GALNT9: variants seen among roughly 807,000 people sequenced by gnomAD.
The protein encoded by GALNT9 is GalNAc transferase 9.
In GALNT9, 47 loss-of-function variants were observed where a neutral mutation model predicts 63.1. The observed-to-expected ratio is 0.75, with a 90% CI of 0.59 to 0.95. The LOEUF (loss-of-function observed/expected upper bound fraction) is 0.95, where lower values mean the gene tolerates loss of function less well. Ranked by LOEUF, GALNT9 falls within the 40% of genes least tolerant of loss-of-function variation. GALNT9 has a pLI of 0.00. For synonymous variants in GALNT9, 396 were observed against 365.7 expected, an observed-to-expected ratio of 1.08 and a Z score of -0.94; for missense variants, 829 against 874.8, an observed-to-expected ratio of 0.95 and a Z score of 0.66.
In GALNT9 at chr12:132,286,131, G is replaced by C. The variant is rs1213537282; in HGVS notation, c.419+119C>G. On this transcript the variant is annotated intron_variant, in intron 2 of 10. Coordinates refer to ENST00000328957, the MANE Select transcript of GALNT9 (RefSeq NM_001122636.2). This position sits in a 1 kb window ranked among gnomAD's most constrained non-coding sequence, Gnocchi z 7.4. ...CGTGGGGGGCGGTCACTTCCCTGGC[G>C]GGCGTGGGGGCCGCTCACTTCCCCG... 5 of 1,178,994 alleles carry C rather than the reference G, an allele frequency of 4.2e-6. No individual in the cohort carries two copies. In the South Asian group the frequency reaches 5.3e-5, roughly 12 times the overall value. 73.0% of individuals were successfully genotyped at this position (1,178,994 alleles called of 1,614,324 possible). A position where few individuals can be genotyped will look rare whatever the true frequency, so the allele number is the denominator to read the frequency against.
chr12:132,254,617 C>G (rs1195364527), intron 5 of GALNT9, among the ~76,000 whole-genome samples: 18 of 152,220 alleles, frequency 1.2e-4, no homozygotes, highest in African/African-American at 4.3e-4. Flanking sequence ...GACTTTGATC[C>G]TCCAGGGTGA....
rs1555243226 is a variant in GALNT9, at chr12:132,296,162, G to C, written c.239-9732C>G. On this transcript the variant is annotated intron_variant, in intron 1 of 10. Transcript: ENST00000328957. This position sits in a 1 kb window ranked among gnomAD's most constrained non-coding sequence, Gnocchi z 4.2. ...TCTGAACAGGGACGGCCTCCGAACA[G>C]GGAGAGCCTCCGGAATAGGGACGGC... Among the ~76,000 whole-genome samples, 1 of 152,078 alleles carries C rather than the reference G, an allele frequency of 6.6e-6. No homozygotes were observed.
intron 2 of GALNT9, among the ~76,000 whole-genome samples, chr12:132,263,322 G>A (rs781810142): frequency 8.5e-5 from 13 of 152,244 alleles, no homozygotes; most frequent in Admixed American, 5.9e-4. Flanking sequence ...ACAAGAAAAC[G>A]TCACTCCACT....
chr12:132,288,574 G>A (rs1052620879), intron 1 of GALNT9, among the ~76,000 whole-genome samples: 6 of 152,262 alleles, frequency 3.9e-5, no homozygotes, highest in African/African-American at 9.6e-5. Context: ...GGGATTGGCC[G>A]CCTGGCCAGA....
intron 1 of GALNT9, among the ~76,000 whole-genome samples, chr12:132,311,475 G>A (rs986276900): frequency 6.6e-6 from 1 of 152,206 alleles, no homozygotes. Context: ...CTCTCCAGAG[G>A]GGAGTGCCTC....
chr12:132,198,970 C>T (rs4074044), intron 9 of GALNT9, among the ~76,000 whole-genome samples: 12,928 of 152,130 alleles, frequency 0.085, 599 homozygotes, highest in African/African-American at 0.13. Context: ...TTCAATTCCC[C>T]GTGTTCTGCT....
intron 6 of GALNT9, 163 bp downstream of exon 6, chr12:132,247,747 A>G (rs1878764084): frequency 8.4e-7 from 1 of 1,194,180 alleles, no homozygotes; most frequent in African/African-American, 1.6e-5. Flanking sequence ...CCGTCCCCAG[A>G]TGCCGTGGCC....
At chr12:132,323,958 T>A (rs1868918022) in intron 1 of GALNT9, among the ~76,000 whole-genome samples, 1 of 151,842 alleles carries the variant, frequency 6.6e-6, no homozygotes, top group African/African-American at 2.4e-5. Context: ...GCTGTTTGGA[T>A]CAGCAACGTG....
chr12:132,261,864 A>G (rs1879400844), intron 3 of GALNT9, among the ~76,000 whole-genome samples: 1 of 152,160 alleles, frequency 6.6e-6, no homozygotes, highest in Admixed American at 6.5e-5. Context: ...CCTGTGTGCT[A>G]CAGGGTGTGA....
intron 4 of GALNT9, among the ~76,000 whole-genome samples, 191 bp downstream of exon 4, chr12:132,260,757 A>G (rs782413558): frequency 3.3e-5 from 5 of 152,228 alleles, no homozygotes; most frequent in Non-Finnish European, 5.9e-5. Context: ...AGCTGGACAC[A>G]GAGAGGCCGC....
intron 1 of GALNT9, among the ~76,000 whole-genome samples, chr12:132,328,558 C>T (rs1197151502): frequency 1.3e-5 from 2 of 152,220 alleles, no homozygotes; most frequent in Non-Finnish European, 2.9e-5. Context: ...TCTTTCCCCA[C>T]CTTCAAGAGT....
chr12:132,260,089 G>A (rs1879319079), intron 4 of GALNT9, among the ~76,000 whole-genome samples: 1 of 138,366 alleles, frequency 7.2e-6, no homozygotes, highest in African/African-American at 2.8e-5. Context: ...GCCCTCTGTG[G>A]GGCTGGCTTT....
chr12:132,305,807 G>T (rs890646182), intron 1 of GALNT9, among the ~76,000 whole-genome samples: 2 of 152,228 alleles, frequency 1.3e-5, no homozygotes, highest in Non-Finnish European at 2.9e-5. Flanking sequence ...TGGAGAGCGC[G>T]GCCCGAGTGC....
At chr12:132,267,858 A>G (rs28716345) in intron 2 of GALNT9, among the ~76,000 whole-genome samples, 2,331 of 129,102 alleles carry the variant, frequency 0.018, 42 homozygotes, top group South Asian at 0.089. Context: ...CCACATGCAC[A>G]CACACACGCA....
chr12:132,301,981 C>T (rs984816190), intron 1 of GALNT9, among the ~76,000 whole-genome samples: 3 of 152,196 alleles, frequency 2.0e-5, no homozygotes, highest in Non-Finnish European at 4.4e-5. Flanking sequence ...GAAACACCTG[C>T]CTGACAACCC....
At chr12:132,267,158 G>A (rs1879631666) in intron 2 of GALNT9, among the ~76,000 whole-genome samples, 1 of 152,178 alleles carries the variant, frequency 6.6e-6, no homozygotes, top group Admixed American at 6.5e-5. Context: ...CCTGAGCCCA[G>A]AGCTTGAGCA....
At chr12:132,307,553 G>T (rs1434420412) in intron 1 of GALNT9, among the ~76,000 whole-genome samples, 1 of 152,036 alleles carries the variant, frequency 6.6e-6, no homozygotes, top group Admixed American at 6.5e-5. Flanking sequence ...AGAGAAGCGG[G>T]CCGGACACAG....
At chr12:132,317,735 G>A (rs782777281) in intron 1 of GALNT9, among the ~76,000 whole-genome samples, 4 of 152,098 alleles carry the variant, frequency 2.6e-5, no homozygotes, top group South Asian at 2.1e-4. Flanking sequence ...CCCCACCTTC[G>A]GGCCCCTCCA....
chr12:132,210,486 G>A (rs961246732), intron 6 of GALNT9, among the ~76,000 whole-genome samples: 8 of 152,336 alleles, frequency 5.3e-5, no homozygotes, highest in African/African-American at 1.9e-4. Flanking sequence ...ACGTGTGGGT[G>A]CAGCTGGAGG....
Sources: allele counts gnomAD v4.1 joint callset (sites outside exome capture counted in the v4.1 genomes callset), GRCh38; gene constraint gnomAD v4.1.1; non-coding constraint Gnocchi (gnomAD v3.1); transcripts MANE v1.5; gene names NCBI Gene and HGNC (gene_info 2026-07-23, HGNC 2026-07-21).